The following ZCCHC12 variants were observed in gnomAD, a reference collection of about 807,000 sequenced individuals.
ZCCHC12 encodes zinc finger CCHC-type containing 12.
For missense variants in ZCCHC12, 317 were observed against 323.4 expected (o/e 0.98, Z 0.15); for synonymous variants, 128 against 123.2 (o/e 1.04, Z -0.26).
At position 118,825,377 on chromosome X, in the gene ZCCHC12, A is replaced by G; in HGVS notation, c.133A>G (p.Met45Val). The G allele has an allele frequency of 8.3e-7, 1 of 1,208,482 alleles. No individual in the cohort carries two copies. The highest frequency in any genetic ancestry group is 1.8e-5 in the African/African-American group (1 of 56,969). ...PIMASMADRN[M>V]KLFSGRVVPA... ...AATGGCCAGCATGGCAGACAGAAAC[A>G]TGAAGTTGTTCTCGGGGAGGGTGGT... The change falls in exon 4 of 4, where the codon ATG becomes GTG. Residue 45 changes from methionine to valine, a missense_variant. By Grantham distance (21) the Met-to-Val change is conservative. Transcript: ENST00000310164.
chrX:118,825,964 G>GA lies in ZCCHC12; in HGVS notation c.721dup (p.Arg241LysfsTer20). Reference sequence around the variant, plus strand: ...CAAAAAGGTCTGAGTCAATGGTGGAGAGGGCAGTCAGCCCTGTGGCATTTC... The same window carrying GA: ...CAAAAAGGTCTGAGTCAATGGTGGAGAAGGGCAGTCAGCCCTGTGGCATTTC... On this transcript the variant is annotated frameshift_variant, in exon 4 of 4. Transcript: ENST00000310164. LOFTEE classifies it low-confidence loss of function (END_TRUNC). 8.3e-7 allele frequency: 1 copy of GA among 1,212,004 alleles called. No homozygotes were observed. Among genetic ancestry groups the GA allele is most frequent in the Non-Finnish European group, 1.1e-6 (1 of 895,585 alleles).
Position 118,825,362 on chromosome X carries a change from A to G in ZCCHC12, c.118A>G (p.Met40Val). 8.3e-7 allele frequency: 1 copy of G among 1,210,707 alleles called. No individual in the cohort carries two copies. The highest frequency in any genetic ancestry group is 1.1e-6 in the Non-Finnish European group (1 of 894,984). The change falls in exon 4 of 4, where the codon ATG becomes GTG. Residue 40 changes from methionine to valine, a missense_variant. Met to Val is a conservative substitution (Grantham distance 21). Transcript: ENST00000310164. ...AAGTCTCGGTCCTATAATGGCCAGC[A>G]TGGCAGACAGAAACATGAAGTTGTT... Reference protein sequence around the residue: ...GRSLGPIMASMADRNMKLFSG... With the variant: ...GRSLGPIMASVADRNMKLFSG...
At position 118,825,588 on chromosome X, in the gene ZCCHC12, G is replaced by A; in HGVS notation, c.344G>A (p.Arg115Gln). The A allele has an allele frequency of 8.3e-7, 1 of 1,211,828 alleles. No homozygotes were observed. Among genetic ancestry groups the A allele is most frequent in the Non-Finnish European group, 1.1e-6 (1 of 895,561 alleles). The change falls in exon 4 of 4, where the codon CGA (arginine) becomes CAA (glutamine). Residue 115 changes from arginine to glutamine, a missense_variant. Transcript: ENST00000310164. The stretch of plus-strand genomic sequence containing the variant: ...AACCTAAGTGTGGCAGATTTCTTGC[G>A]AGCCATGAAATTGGTGTTTGGGGAG... ...NPNLSVADFL[R>Q]AMKLVFGESE...
intron 3 of ZCCHC12, 132 bp from the exon 4 acceptor site, chrX:118,824,995 TGTAA>T (rs1041197086): frequency 2.2e-5 from 9 of 404,285 alleles, no homozygotes; most frequent in Non-Finnish European, 3.8e-5. Context: ...TCTGGGAGGT[TGTAA>T]GTGTCAATCT....
In ZCCHC12 at chrX:118,823,989, C is replaced by T. The variant is rs1386619009; in HGVS notation, c.-308C>T. 8.9e-6 allele frequency: 1 copy of T among 112,441 alleles called. No homozygotes were observed. The highest frequency in any genetic ancestry group is 3.2e-5 in the African/African-American group (1 of 30,913). The allele number at this position is 112,441 out of a possible 1,213,427, so 9.3% of individuals were successfully genotyped here. On this transcript the variant is annotated 5_prime_UTR_variant, in exon 1 of 4. Coordinates refer to ENST00000310164, the MANE Select transcript of ZCCHC12 (RefSeq NM_173798.4). ...CTGGCGACGCGGGAGCATCTGCTGT[C>T]CACCAGCGGAGCACAGGTAAAGAAT...
rs1454055693 is a variant in ZCCHC12 at position 118,823,907 on chromosome X, A to G, written c.-390A>G. On this transcript the variant is annotated 5_prime_UTR_variant, in exon 1 of 4. Coordinates refer to ENST00000310164, the MANE Select transcript of ZCCHC12 (RefSeq NM_173798.4). ...GCAGCCCCGGGTCGCTTAGCGGCCAAGGAGGCTTCAGTTCTTTGCCGCCTG... is the reference window on the plus strand; with the variant it reads ...GCAGCCCCGGGTCGCTTAGCGGCCAGGGAGGCTTCAGTTCTTTGCCGCCTG... 8.8e-6 allele frequency: 1 copy of G among 113,432 alleles called. No individual in the cohort carries two copies. Among genetic ancestry groups the G allele is most frequent in the Non-Finnish European group, 1.9e-5 (1 of 53,420 alleles). 9.3% of individuals were successfully genotyped at this position (113,432 alleles called of 1,213,427 possible).
In ZCCHC12 at chrX:118,825,835, G is replaced by C; in HGVS notation, c.591G>C (p.Arg197Ser). The change falls in exon 4 of 4, where the codon AGG (arginine) becomes AGC (serine). Residue 197 changes from arginine to serine, a missense_variant. Coordinates refer to ENST00000310164, the MANE Select transcript of ZCCHC12 (RefSeq NM_173798.4). ...GACTCAGACTTAAGGATTTTCTCAG[G>C]ATGTATGCAAATGAGCAGGAGCGGC... Reference protein sequence around the residue: ...DLRLRLKDFLRMYANEQERLP... With the variant: ...DLRLRLKDFLSMYANEQERLP... The C allele has an allele frequency of 8.3e-7, 1 of 1,211,828 alleles. No homozygotes were observed. Among genetic ancestry groups the C allele is most frequent in the East Asian group, 3.0e-5 (1 of 33,844 alleles).
rs761774380 is a variant in ZCCHC12, at chrX:118,825,910, G to A, written c.666G>A (p.Trp222Ter). The change falls in exon 4 of 4, where the codon TGG becomes TGA. Residue 222 changes from tryptophan (W) to a stop codon, truncating the protein, a stop_gained. Coordinates refer to ENST00000310164, the MANE Select transcript of ZCCHC12 (RefSeq NM_173798.4). LOFTEE classifies it low-confidence loss of function (END_TRUNC). Reference sequence around the variant, plus strand: ...GAATGGTAAGGGAGGAAGAGGATTGGGATGATGCTTTTATTAAACGGAAGC... The same window carrying A: ...GAATGGTAAGGGAGGAAGAGGATTGAGATGATGCTTTTATTAAACGGAAGC... ...LIRMVREEEDWDDAFIKRKRP... is the reference protein window; with the variant it reads ...LIRMVREEED 5 of 1,211,752 alleles carry A rather than the reference G, an allele frequency of 4.1e-6. No individual in the cohort carries two copies. In the South Asian group the frequency reaches 8.8e-5, roughly 21 times the overall value.
At position 118,825,115 on chromosome X, in the gene ZCCHC12, C is replaced by G; in HGVS notation, c.-114-16C>G. 1 of 882,758 alleles carries G rather than the reference C, an allele frequency of 1.1e-6. No homozygotes were observed. The highest frequency in any genetic ancestry group is 3.2e-4 in the Middle Eastern group (1 of 3,085). The allele number at this position is 882,758 out of a possible 1,213,427, so 72.7% of individuals were successfully genotyped here. The stretch of plus-strand genomic sequence containing the variant: ...GCCCGCTCCCTTATTAACCAGCCCC[C>G]CTTTCTTTTTTACAGCCCCTGCTGA... On this transcript the variant is annotated splice_polypyrimidine_tract_variant and intron_variant, in intron 3 of 3. Transcript: ENST00000310164.
In ZCCHC12 at chrX:118,825,398, G is replaced by T; in HGVS notation, c.154G>T (p.Val52Leu). The T allele has an allele frequency of 8.3e-7, 1 of 1,211,015 alleles. No homozygotes were observed. Among genetic ancestry groups the T allele is most frequent in the Non-Finnish European group, 1.1e-6 (1 of 894,958 alleles). ...DRNMKLFSGR[V>L]VPAQGEETFE... is the part of the protein sequence containing the mutation. ...AAACATGAAGTTGTTCTCGGGGAGG[G>T]TGGTGCCAGCCCAAGGGGAAGAAAC... Residue 52 changes from valine to leucine, a missense_variant, in exon 4 of 4, where the codon GTG (valine) becomes TTG (leucine). Coordinates refer to ENST00000310164, the MANE Select transcript of ZCCHC12 (RefSeq NM_173798.4).
In ZCCHC12 at chrX:118,825,347, C is replaced by T. The variant is rs1366927123; in HGVS notation, c.103C>T (p.Pro35Ser). The change falls in exon 4 of 4, where the codon CCT becomes TCT. Residue 35 changes from proline to serine, a missense_variant. Transcript: ENST00000310164. ...GAGGTCCCTGGGGAGAAGTCTCGGT[C>T]CTATAATGGCCAGCATGGCAGACAG... ...MLRSLGRSLG[P>S]IMASMADRNM... is the part of the protein sequence containing the mutation. 1.7e-5 allele frequency: 20 copies of T among 1,211,060 alleles called. No homozygotes were observed. The highest frequency in any genetic ancestry group is 2.2e-5 in the Non-Finnish European group (20 of 895,272).
chrX:118,825,273 A>G lies in ZCCHC12; in HGVS notation c.29A>G (p.Asn10Ser). Reference sequence around the variant, plus strand: ...GCTAGCATCATTGCACGTGTCGGTAACAGCCGGCGGCTGAATGCACCCTTG... The same window carrying G: ...GCTAGCATCATTGCACGTGTCGGTAGCAGCCGGCGGCTGAATGCACCCTTG... Reference protein sequence around the residue: MASIIARVGNSRRLNAPLPP... With the variant: MASIIARVGSSRRLNAPLPP... Residue 10 changes from asparagine (N) to serine (S), a missense_variant, in exon 4 of 4, where the codon AAC becomes AGC. Physicochemically the swap from Asn to Ser is conservative, Grantham distance 46. Coordinates refer to ENST00000310164, the MANE Select transcript of ZCCHC12 (RefSeq NM_173798.4). The G allele has an allele frequency of 1.7e-6, 2 of 1,211,907 alleles. No homozygotes were observed. Among genetic ancestry groups the G allele is most frequent in the Non-Finnish European group, 2.2e-6 (2 of 895,529 alleles).
In ZCCHC12 at chrX:118,826,830, G is replaced by T; in HGVS notation, c.*377G>T. On this transcript the variant is annotated 3_prime_UTR_variant, in exon 4 of 4. Coordinates refer to ENST00000310164, the MANE Select transcript of ZCCHC12 (RefSeq NM_173798.4). ...AATCATTGTCAACCCTTTGATGAGT[G>T]ATATTTCCCTATACCTATGTACCCA... The T allele has an allele frequency of 4.2e-6, 1 of 236,783 alleles. No individual in the cohort carries two copies. Among genetic ancestry groups the T allele is most frequent in the Non-Finnish European group, 8.0e-6 (1 of 124,383 alleles). 19.5% of individuals were successfully genotyped at this position (236,783 alleles called of 1,213,427 possible). A position where few individuals can be genotyped will look rare whatever the true frequency, so the allele number is the denominator to read the frequency against.
chrX:118,826,174 C>T lies in ZCCHC12; in HGVS notation c.930C>T (p.Ser310=), dbSNP rs1411272163. Residue 310 remains serine, a synonymous_variant, in exon 4 of 4, where the codon TCC becomes TCT. Transcript: ENST00000310164. The stretch of plus-strand genomic sequence containing the variant: ...AGGATGAAGTGCTGGTCATTGATTC[C>T]CCCCACAATTCCAGGGCTCAGTTTC... The part of the protein sequence containing the change: ...RPQDEVLVID[S]PHNSRAQFPS... 8.3e-7 allele frequency: 1 copy of T among 1,209,728 alleles called. No individual in the cohort carries two copies. The highest frequency in any genetic ancestry group is 1.8e-5 in the African/African-American group (1 of 56,998).
Position 118,825,513 on chromosome X carries a change from T to G in ZCCHC12, c.269T>G (p.Leu90Arg), listed in dbSNP as rs1475469257. 1.7e-6 allele frequency: 2 copies of G among 1,210,097 alleles called. No individual in the cohort carries two copies. The highest frequency in any genetic ancestry group is 2.2e-6 in the Non-Finnish European group (2 of 895,247). Residue 90 changes from leucine (L) to arginine (R), a missense_variant, in exon 4 of 4, where the codon CTT becomes CGT. Physicochemically the swap from Leu to Arg is moderately radical, Grantham distance 102 (BLOSUM62 -2). Coordinates refer to ENST00000310164, the MANE Select transcript of ZCCHC12 (RefSeq NM_173798.4). ...AAGCTCAAGCGCTTGATGAAAACCC[T>G]TAGGGGCCCTGCCCGCGAGGTCATG... ...EEKLKRLMKT[L>R]RGPAREVMRV...
intron 3 of ZCCHC12, 46 bp from the exon 4 acceptor site, chrX:118,825,085 C>T: frequency 1.6e-6 from 1 of 608,136 alleles, no homozygotes; most frequent in South Asian, 2.7e-5. Context: ...GAGAATGCAG[C>T]TGCAGCCCGC....
intron 2 of ZCCHC12, 84 bp from the exon 3 acceptor site, chrX:118,824,505 G>A (rs1270482958): frequency 9.0e-6 from 1 of 110,830 alleles, no homozygotes; most frequent in African/African-American, 3.3e-5. Flanking sequence ...CGGAGGTGGT[G>A]GGTAGCAGGA....
chrX:118,826,744 G>C lies in ZCCHC12; in HGVS notation c.*291G>C. ...TGGTATAATTTATTGTTAAATATTT[G>C]AACAATAAAAAAGGTACAAAAAGTG... is the stretch of plus-strand genomic sequence containing the variant. On this transcript the variant is annotated 3_prime_UTR_variant, in exon 4 of 4. Coordinates refer to ENST00000310164, the MANE Select transcript of ZCCHC12 (RefSeq NM_173798.4). 2.9e-6 allele frequency: 1 copy of C among 342,801 alleles called. No individual in the cohort carries two copies. Among genetic ancestry groups the C allele is most frequent in the Non-Finnish European group, 5.3e-6 (1 of 188,862 alleles). The allele number at this position is 342,801 out of a possible 1,213,427, so 28.3% of individuals were successfully genotyped here.
In ZCCHC12 at chrX:118,825,211, C is replaced by G. The variant is rs753842195; in HGVS notation, c.-34C>G. The stretch of plus-strand genomic sequence containing the variant: ...AAGCTTTTCTAAAAAGCCTAGGCAT[C>G]TTCTTATATTCAGATACCCTATCGT... On this transcript the variant is annotated 5_prime_UTR_variant, in exon 4 of 4. It adds an upstream start codon to the 5' untranslated region. Coordinates refer to ENST00000310164, the MANE Select transcript of ZCCHC12 (RefSeq NM_173798.4). 5.8e-6 allele frequency: 7 copies of G among 1,210,099 alleles called. No individual in the cohort carries two copies. In the East Asian group the frequency reaches 1.8e-4, roughly 31 times the overall value.
Sources: allele counts gnomAD v4.1 joint callset, GRCh38; gene constraint gnomAD v4.1.1; transcripts MANE v1.5; gene names NCBI Gene and HGNC (gene_info 2026-07-23, HGNC 2026-07-21).